The following CACNA2D3 variants were observed in gnomAD, a reference collection of about 807,000 sequenced individuals.
CACNA2D3 encodes the protein calcium voltage-gated channel auxiliary subunit alpha2delta 3, also known as voltage-dependent calcium channel subunit alpha-2/delta-3.
CACNA2D3 carries 60 observed loss-of-function variants against 160.6 expected under a neutral mutation model. The observed-to-expected ratio is 0.37, with a 90% CI of 0.30 to 0.46. The LOEUF (loss-of-function observed/expected upper bound fraction) is 0.46. Among genes scored for constraint, CACNA2D3 ranks in the 20% least tolerant of loss-of-function variants. The probability of loss-of-function intolerance (pLI) is 1.00; values close to 1 mark genes in which losing one functional copy is unlikely to be tolerated. For missense variants in CACNA2D3, 1,205 were observed against 1,365.0 expected (o/e 0.88, Z 1.85); for synonymous variants, 558 against 492.9 (o/e 1.13, Z -1.75).
intron 2 of CACNA2D3, among the ~76,000 whole-genome samples, chr3:54,294,041 C>G (rs529345826): frequency 6.6e-6 from 1 of 152,258 alleles, no homozygotes; most frequent in South Asian, 2.1e-4. Context: ...AACTTGTTTA[C>G]ATTACGTTAA....
chr3:54,883,823 C>CTCTCTCTCTCTCTCTCTCTCTCTCTCCT (rs60132112), intron 21 of CACNA2D3, among the ~76,000 whole-genome samples: 1 of 88,920 alleles, frequency 1.1e-5, no homozygotes, highest in African/African-American at 3.7e-5. Flanking sequence ...CTCTCTCTCT[C>CTCTCTCTCTCTCTCTCTCTCTCTCTCCT]CTCTCTCTCC....
chr3:54,440,458 G>T (rs2106792943), intron 4 of CACNA2D3, among the ~76,000 whole-genome samples: 1 of 151,934 alleles, frequency 6.6e-6, no homozygotes, highest in Middle Eastern at 3.4e-3. Context: ...GGGTAGGAAT[G>T]GTGTCTTCTA....
intron 10 of CACNA2D3, among the ~76,000 whole-genome samples, 156 bp from the exon 11 acceptor site, chr3:54,641,972 G>C (rs922385181): frequency 6.6e-6 from 1 of 152,152 alleles, no homozygotes; most frequent in African/African-American, 2.4e-5. Flanking sequence ...GTGGTGATCT[G>C]TGTGGAAAGA....
intron 27 of CACNA2D3, chr3:54,924,468 C>G: frequency 1.5e-6 from 1 of 648,300 alleles, no homozygotes; most frequent in Non-Finnish European, 2.7e-6. Flanking sequence ...TCACTTGACT[C>G]TTTTGCCATA....
chr3:54,232,198 G>A (rs1288377160), intron 2 of CACNA2D3, among the ~76,000 whole-genome samples: 1 of 152,152 alleles, frequency 6.6e-6, no homozygotes, highest in Non-Finnish European at 1.5e-5. Flanking sequence ...TTCCAATCCT[G>A]GATCAGTCAC....
At chr3:54,806,358 C>G (rs1346204058) in intron 13 of CACNA2D3, among the ~76,000 whole-genome samples, 1 of 152,162 alleles carries the variant, frequency 6.6e-6, no homozygotes, top group Non-Finnish European at 1.5e-5. Flanking sequence ...AGCAAAGTCT[C>G]AGGATACAAA....
chr3:54,132,867 A>G (rs1699740652), intron 2 of CACNA2D3, among the ~76,000 whole-genome samples: 1 of 152,102 alleles, frequency 6.6e-6, no homozygotes. Context: ...CAGTGTTCGC[A>G]CCTCTCAAAT....
At chr3:54,803,435 T>C (rs1355540268) in intron 13 of CACNA2D3, among the ~76,000 whole-genome samples, 4 of 152,202 alleles carry the variant, frequency 2.6e-5, no homozygotes, top group African/African-American at 9.6e-5. Context: ...GGAGCCGATG[T>C]GATCAACTGG....
At chr3:54,506,855 G>A (rs1701379274) in intron 5 of CACNA2D3, among the ~76,000 whole-genome samples, 1 of 152,174 alleles carries the variant, frequency 6.6e-6, no homozygotes, top group African/African-American at 2.4e-5. Flanking sequence ...TATGAGTAAA[G>A]CAAGAGGCAG....
At chr3:54,684,334 C>A (rs750471010) in intron 11 of CACNA2D3, among the ~76,000 whole-genome samples, 2 of 152,162 alleles carry the variant, frequency 1.3e-5, no homozygotes, top group Non-Finnish European at 2.9e-5. Context: ...CTCAACTTGA[C>A]TGTATCTGCG....
At chr3:54,333,526 G>A (rs1704313278) in intron 3 of CACNA2D3, among the ~76,000 whole-genome samples, 1 of 151,966 alleles carries the variant, frequency 6.6e-6, no homozygotes, top group Admixed American at 6.6e-5. Context: ...GCCCTGAGAT[G>A]GCTCCTTTGT....
chr3:54,978,791 G>A (rs778434778), intron 29 of CACNA2D3, among the ~76,000 whole-genome samples: 3 of 151,984 alleles, frequency 2.0e-5, no homozygotes, highest in Non-Finnish European at 4.4e-5. Context: ...GAGATCACTG[G>A]TTGGTTCACA....
At chr3:54,646,131 CTT>C (rs1237451084) in intron 11 of CACNA2D3, among the ~76,000 whole-genome samples, 1,825 of 28,214 alleles carry the variant, frequency 0.065, 222 homozygotes, top group Non-Finnish European at 0.13. Context: ...TCCTTTCTTC[CTT>C]CCTTCCTTCC....
At chr3:54,261,337 G>T (rs909754900) in intron 2 of CACNA2D3, among the ~76,000 whole-genome samples, 2 of 152,114 alleles carry the variant, frequency 1.3e-5, no homozygotes, top group Admixed American at 6.5e-5. Context: ...TTGGCACCCA[G>T]ATTCCTTCTT....
At chr3:54,251,716 T>C (rs897850265) in intron 2 of CACNA2D3, among the ~76,000 whole-genome samples, 1 of 152,252 alleles carries the variant, frequency 6.6e-6, no homozygotes, top group Non-Finnish European at 1.5e-5. Flanking sequence ...TTGACATCTG[T>C]ATCTTCTCAC....
In CACNA2D3 at chr3:54,578,656, A is replaced by G. The variant is rs552775186; in HGVS notation, c.889-3147A>G. Among the ~76,000 whole-genome samples, 11 of 152,364 alleles carry G rather than the reference A, an allele frequency of 7.2e-5. No homozygotes were observed. The South Asian group carries it at 8.3e-4, about 11-fold the overall frequency. On this transcript the variant is annotated intron_variant, in intron 8 of 37. Transcript: ENST00000474759. ...CTTTATCCTGATGCAGTCAAGGGAA[A>G]TTAGTCAACTGCAAGCTTGGATGAT... is the stretch of plus-strand genomic sequence containing the variant.
chr3:54,123,808 GA>G (rs1699529026), intron 2 of CACNA2D3, among the ~76,000 whole-genome samples: 1 of 152,126 alleles, frequency 6.6e-6, no homozygotes, highest in African/African-American at 2.4e-5. Flanking sequence ...AGAAAAGCAG[GA>G]TACTCACTCG....
chr3:54,445,565 C>CACACACACACAT (rs1700209427), intron 4 of CACNA2D3, among the ~76,000 whole-genome samples: 1 of 151,126 alleles, frequency 6.6e-6, no homozygotes, highest in Non-Finnish European at 1.5e-5. Context: ...TACACACACA[C>CACACACACACAT]ACACACACAC....
At chr3:54,462,105 C>T (rs1304645928) in intron 4 of CACNA2D3, among the ~76,000 whole-genome samples, 1 of 152,064 alleles carries the variant, frequency 6.6e-6, no homozygotes, top group Non-Finnish European at 1.5e-5. Context: ...GTTTCTTAAT[C>T]TTGAGTTCTA....
Sources: allele counts gnomAD v4.1 joint callset (sites outside exome capture counted in the v4.1 genomes callset), GRCh38; gene constraint gnomAD v4.1.1; transcripts MANE v1.5; gene names NCBI Gene and HGNC (gene_info 2026-07-23, HGNC 2026-07-21).